FCHO1: variants seen among roughly 807,000 people sequenced by gnomAD.
The protein encoded by FCHO1 is FCH and mu domain containing endocytic adaptor 1.
FCHO1 carries 45 observed loss-of-function variants against 114.4 expected under a neutral mutation model. The observed-to-expected ratio is 0.39, with a 90% CI of 0.31 to 0.50. FCHO1 has a LOEUF of 0.50. FCHO1 is among the 20% of genes least tolerant of loss of function. The probability of loss-of-function intolerance (pLI) is 0.77; values close to 1 mark genes in which losing one functional copy is unlikely to be tolerated. For missense variants in FCHO1, 1,042 were observed against 1,209.6 expected, an observed-to-expected ratio of 0.86 and a Z score of 2.06; for synonymous variants, 480 against 488.9, an observed-to-expected ratio of 0.98 and a Z score of 0.24.
intron 11 of FCHO1, 119 bp from the exon 12 acceptor site, chr19:17,774,120 G>T (rs999616500): frequency 1.7e-5 from 15 of 860,108 alleles, no homozygotes; most frequent in East Asian, 2.5e-5. Context: ...TGGTGGCCAG[G>T]CTGGTCTTGA....
chr19:17,778,843 C>T lies in FCHO1; in HGVS notation c.1586C>T (p.Ser529Leu), dbSNP rs74180841. ...CCAGACTCGCCGCAGCCCCTCGCCT[C>T]GTCTCCAGGCCCCTGGGGGCTGGAG... ...PLPDSPQPLA[S>L]SPGPWGLEAL... The change falls in exon 20 of 29, where the codon TCG (serine) becomes TTG (leucine). Residue 529 changes from serine (S) to leucine (L), a missense_variant. By Grantham distance (145) the Ser-to-Leu change is moderately radical (BLOSUM62 -2). Coordinates refer to ENST00000596536, the MANE Select transcript of FCHO1 (RefSeq NM_015122.3). 5 of 1,563,796 alleles carry T rather than the reference C, an allele frequency of 3.2e-6. 1 individual carries two copies. Among genetic ancestry groups the T allele is most frequent in the Middle Eastern group, 2.3e-4 (1 of 4,436 alleles).
At position 17,787,725 on chromosome 19, in the gene FCHO1, C is replaced by T. The variant is rs755085116; in HGVS notation, c.2526C>T (p.Pro842=). 6.3e-7 allele frequency: 1 copy of T among 1,580,818 alleles called. No homozygotes were observed. The highest frequency in any genetic ancestry group is 1.2e-5 in the South Asian group (1 of 86,368). ...LSASWEPLSG[P]STPSPVAAQF... Reference sequence around the variant, plus strand: ...CCAGCTGGGAGCCGCTCTCAGGGCCCAGCACACCCAGCCCCGTGGCTGCAC... The same window carrying T: ...CCAGCTGGGAGCCGCTCTCAGGGCCTAGCACACCCAGCCCCGTGGCTGCAC... Residue 842 remains proline (P), a synonymous_variant, in exon 28 of 29, where the codon CCC becomes CCT. Coordinates refer to ENST00000596536, the MANE Select transcript of FCHO1 (RefSeq NM_015122.3).
chr19:17,770,077 A>T (rs2091014994), intron 7 of FCHO1, among the ~76,000 whole-genome samples: 1 of 152,176 alleles, frequency 6.6e-6, no homozygotes, highest in African/African-American at 2.4e-5. Context: ...AGGTGGGCAG[A>T]TCACCTGAGG....
At position 17,775,200 on chromosome 19, in the gene FCHO1, G is replaced by A; in HGVS notation, c.945+120G>A. ...AGAGCCGAGATTGAGGGGCGGGCTG[G>A]AGCCTGGGGGCTGGGTTCATATCCC... On this transcript the variant is annotated intron_variant, in intron 14 of 28. Transcript: ENST00000596536. The surrounding 1 kb of genome is among the most constrained non-coding windows in gnomAD (Gnocchi z 5.1). 2 of 1,170,520 alleles carry A rather than the reference G, an allele frequency of 1.7e-6. No individual in the cohort carries two copies. Among genetic ancestry groups the A allele is most frequent in the Admixed American group, 2.3e-5 (1 of 43,066 alleles). 72.5% of individuals were successfully genotyped at this position (1,170,520 alleles called of 1,614,324 possible). A position where few individuals can be genotyped will look rare whatever the true frequency, so the allele number is the denominator to read the frequency against.
Position 17,787,720 on chromosome 19 carries a change from G to A in FCHO1, c.2521G>A (p.Gly841Arg), listed in dbSNP as rs2094032197. 1 of 1,577,716 alleles carries A rather than the reference G, an allele frequency of 6.3e-7. No individual in the cohort carries two copies. Among genetic ancestry groups the A allele is most frequent in the Non-Finnish European group, 8.6e-7 (1 of 1,162,942 alleles). ...CTCTGCCAGCTGGGAGCCGCTCTCA[G>A]GGCCCAGCACACCCAGCCCCGTGGC... ...RLSASWEPLS[G>R]PSTPSPVAAQ... The change falls in exon 28 of 29, where the codon GGG becomes AGG. Residue 841 changes from glycine to arginine, a missense_variant. Coordinates refer to ENST00000596536, the MANE Select transcript of FCHO1 (RefSeq NM_015122.3).
At chr19:17,756,259 C>G (rs1489236556) in intron 4 of FCHO1, among the ~76,000 whole-genome samples, 1 of 152,182 alleles carries the variant, frequency 6.6e-6, no homozygotes, top group Non-Finnish European at 1.5e-5. Context: ...GTCAGACTCC[C>G]CGATTTGCCC....
chr19:17,752,953 G>A (rs987967514), intron 1 of FCHO1, among the ~76,000 whole-genome samples: 1 of 151,946 alleles, frequency 6.6e-6, no homozygotes, highest in African/African-American at 2.4e-5. Flanking sequence ...ATTCAGGCGT[G>A]AGCCTGTAGT....
intron 27 of FCHO1, 37 bp downstream of exon 27, chr19:17,786,666 GA>G: frequency 2.0e-6 from 1 of 497,000 alleles, no homozygotes; most frequent in Non-Finnish European, 4.1e-6. Flanking sequence ...GGGTGGGAGG[GA>G]CTGGGGTCAG....
upstream of FCHO1, chr19:17,747,760 T>C (rs2080874241): frequency 6.6e-6 from 1 of 151,950 alleles, no homozygotes; most frequent in South Asian, 2.1e-4. Flanking sequence ...GGCTCCGGTG[T>C]CAGCGACCAA....
chr19:17,784,964 C>T lies in FCHO1; in HGVS notation c.2426+40C>T, dbSNP rs1368720919. 6.3e-7 allele frequency: 1 copy of T among 1,585,982 alleles called. No homozygotes were observed. Among genetic ancestry groups the T allele is most frequent in the Non-Finnish European group, 8.6e-7 (1 of 1,166,968 alleles). ...GAGGCCAAGGAAAACTCAGCAGTTTCCCCCATAACCCCAGACCTTCTCCCT... is the reference window on the plus strand; with the variant it reads ...GAGGCCAAGGAAAACTCAGCAGTTTTCCCCATAACCCCAGACCTTCTCCCT... On this transcript the variant is annotated intron_variant, in intron 26 of 28. Coordinates refer to ENST00000596536, the MANE Select transcript of FCHO1 (RefSeq NM_015122.3). This position sits in a 1 kb window ranked among gnomAD's most constrained non-coding sequence, Gnocchi z 5.3.
chr19:17,786,802 C>T (rs372889534), intron 27 of FCHO1, among the ~76,000 whole-genome samples, 173 bp downstream of exon 27: 64 of 152,090 alleles, frequency 4.2e-4, no homozygotes, highest in African/African-American at 1.5e-3. Flanking sequence ...TCTGTAATCC[C>T]AGTGCTTTGG....
At chr19:17,751,131 C>T (rs545287455), upstream of FCHO1, among the ~76,000 whole-genome samples, 4 of 152,226 alleles carry the variant, frequency 2.6e-5, no homozygotes, top group South Asian at 2.1e-4. This position sits in a 1 kb window ranked among gnomAD's most constrained non-coding sequence, Gnocchi z 4.4. Context: ...TGAGCCACCG[C>T]GCCTGGCCAT....
chr19:17,755,125 C>G lies in FCHO1; in HGVS notation c.-40C>G, dbSNP rs1447651938. 1 of 1,612,008 alleles carries G rather than the reference C, an allele frequency of 6.2e-7. No homozygotes were observed. The highest frequency in any genetic ancestry group is 2.2e-5 in the East Asian group (1 of 44,862). The stretch of plus-strand genomic sequence containing the variant: ...ACTTGCCTCTCTCTTCAGACAGGCA[C>G]TGGACGGGGCCTGCAGGGGTCTCCA... On this transcript the variant is annotated 5_prime_UTR_variant, in exon 4 of 29. Coordinates refer to ENST00000596536, the MANE Select transcript of FCHO1 (RefSeq NM_015122.3).
In FCHO1 at chr19:17,787,875, C is replaced by T. The variant is rs1167469979; in HGVS notation, c.2647+29C>T. On this transcript the variant is annotated intron_variant, in intron 28 of 28. Transcript: ENST00000596536. The stretch of plus-strand genomic sequence containing the variant: ...CTCCCCAACCCTGCTGCTGGGTGAC[C>T]TCAGGAGCCGAGATCTTACAGGGGC... 4 of 1,601,812 alleles carry T rather than the reference C, an allele frequency of 2.5e-6. No homozygotes were observed. In the South Asian group the frequency reaches 3.4e-5, roughly 13 times the overall value.
At chr19:17,767,273 C>T (rs1458518674) in intron 7 of FCHO1, among the ~76,000 whole-genome samples, 1 of 151,258 alleles carries the variant, frequency 6.6e-6, no homozygotes. Flanking sequence ...TTGGGCCTGG[C>T]GTAGTGACTC....
intron 19 of FCHO1, 60 bp from the exon 20 acceptor site, chr19:17,778,549 G>A: frequency 1.4e-6 from 2 of 1,465,392 alleles, no homozygotes; most frequent in Non-Finnish European, 1.8e-6. Context: ...CCTGCAGGAG[G>A]ATGGGCAGGG....
chr19:17,783,037 G>A lies in FCHO1; in HGVS notation c.1958G>A (p.Gly653Glu). 1 of 1,614,072 alleles carries A rather than the reference G, an allele frequency of 6.2e-7. No individual in the cohort carries two copies. The highest frequency in any genetic ancestry group is 8.5e-7 in the Non-Finnish European group (1 of 1,180,012). ...CCTAGCTGCCTGGCTCGAGTAACTG[G>A]GGAGCTGACCATGACCTTCCCTGCT... Reference protein sequence around the residue: ...HSPSCLARVTGELTMTFPAGI... With the variant: ...HSPSCLARVTEELTMTFPAGI... The change falls in exon 24 of 29, where the codon GGG becomes GAG. Residue 653 changes from glycine (G) to glutamate (E), a missense_variant. Physicochemically the swap from Gly to Glu is moderately conservative, Grantham distance 98. Coordinates refer to ENST00000596536, the MANE Select transcript of FCHO1 (RefSeq NM_015122.3).
rs2147441659 is a variant in FCHO1, at chr19:17,784,671, G to A, written c.2227-54G>A. The stretch of plus-strand genomic sequence containing the variant: ...AAGGTGGTTGAATAGCGCATGGTGT[G>A]GCAAGACAGGATGGCCCAAGCTGTG... On this transcript the variant is annotated intron_variant, in intron 25 of 28. Transcript: ENST00000596536. This position sits in a 1 kb window ranked among gnomAD's most constrained non-coding sequence, Gnocchi z 5.3. The A allele has an allele frequency of 3.9e-6, 6 of 1,556,442 alleles. No homozygotes were observed. The South Asian group carries it at 5.6e-5, about 14-fold the overall frequency.
chr19:17,778,198 G>C lies in FCHO1; in HGVS notation c.1321G>C (p.Glu441Gln), dbSNP rs781578127. ...VSKNLFGPPL[E>Q]SAFDHEDFTG... is the part of the protein sequence containing the mutation. ...CAAGAACCTCTTTGGGCCGCCCCTGGAGTCAGCCTTTGACCACGAAGATTT... is the reference window on the plus strand; with the variant it reads ...CAAGAACCTCTTTGGGCCGCCCCTGCAGTCAGCCTTTGACCACGAAGATTT... The change falls in exon 19 of 29, where the codon GAG (glutamate) becomes CAG (glutamine). Residue 441 changes from glutamate to glutamine, a missense_variant. This residue lies in a region of FCHO1 where 455 missense variants were observed against 455.4 expected (regional missense o/e 1.00). Transcript: ENST00000596536. 1 of 1,613,918 alleles carries C rather than the reference G, an allele frequency of 6.2e-7. No individual in the cohort carries two copies. Among genetic ancestry groups the C allele is most frequent in the South Asian group, 1.1e-5 (1 of 91,080 alleles).
Sources: gnomAD v4.1 joint callset for allele counts (sites outside exome capture counted in the v4.1 genomes callset) on GRCh38, gnomAD v4.1.1 for gene constraint, gnomAD v4.1.1 regional missense constraint, Gnocchi (gnomAD v3.1) non-coding constraint, MANE v1.5 for transcripts, NCBI Gene and HGNC (gene_info 2026-07-23, HGNC 2026-07-21) for gene names.